The following NR6A1 variants were observed in gnomAD, a reference collection of about 807,000 sequenced individuals.
The protein encoded by NR6A1 is retinoic acid receptor-related testis-associated receptor.
In NR6A1, 7 loss-of-function variants were observed where a neutral mutation model predicts 59.1. That is an observed-to-expected ratio of 0.12 (90% CI 0.07 to 0.22). The LOEUF (loss-of-function observed/expected upper bound fraction) is 0.22, where lower values mean the gene tolerates loss of function less well. Ranked by LOEUF, NR6A1 falls within the 10% of genes least tolerant of loss-of-function variation. NR6A1 has a pLI of 1.00. For synonymous variants in NR6A1, 243 were observed against 236.1 expected (o/e 1.03, Z -0.27); for missense variants, 468 against 611.6 (o/e 0.77, Z 2.48).
chr9:124,638,514 A>G (rs1836682698), intron 2 of NR6A1, among the ~76,000 whole-genome samples: 1 of 152,192 alleles, frequency 6.6e-6, no homozygotes, highest in Non-Finnish European at 1.5e-5. Flanking sequence ...GAACAGAACA[A>G]GATTGTGGCT....
intron 2 of NR6A1, among the ~76,000 whole-genome samples, chr9:124,586,274 G>C (rs1386344214): frequency 2.0e-5 from 3 of 152,064 alleles, no homozygotes; most frequent in Non-Finnish European, 2.9e-5. Context: ...CCTCATAGGA[G>C]GTCAAAATAT....
intron 2 of NR6A1, among the ~76,000 whole-genome samples, chr9:124,728,590 G>A (rs1352118516): frequency 6.6e-6 from 1 of 151,810 alleles, no homozygotes; most frequent in Non-Finnish European, 1.5e-5. Flanking sequence ...AGCCGAGATG[G>A]CACCACTGCA....
At chr9:124,663,197 G>A (rs910494573) in intron 2 of NR6A1, among the ~76,000 whole-genome samples, 1 of 152,140 alleles carries the variant, frequency 6.6e-6, no homozygotes, top group Non-Finnish European at 1.5e-5. Flanking sequence ...AAGACCGAGT[G>A]CAACAAATGG....
chr9:124,599,992 A>T (rs1835402028), intron 2 of NR6A1, among the ~76,000 whole-genome samples: 1 of 152,200 alleles, frequency 6.6e-6, no homozygotes, highest in Non-Finnish European at 1.5e-5. Context: ...CTTCAGTGTA[A>T]AACAAAAGAC....
chr9:124,697,425 G>A (rs1838800894), intron 2 of NR6A1, among the ~76,000 whole-genome samples: 1 of 152,040 alleles, frequency 6.6e-6, no homozygotes, highest in South Asian at 2.1e-4. Context: ...GCAAATAATA[G>A]GAGGGACCAA....
At chr9:124,733,240 A>G in intron 2 of NR6A1, 68 bp downstream of exon 2, 1 of 1,127,154 alleles carries the variant, frequency 8.9e-7, no homozygotes. Context: ...ACCTTAAGTT[A>G]TTCACTTAAA....
rs1832717519 is a variant in NR6A1, at chr9:124,517,665, G to C, written c.*5040C>G. 1 of 152,222 alleles carries C rather than the reference G, an allele frequency of 6.6e-6. No individual in the cohort carries two copies. Among genetic ancestry groups the C allele is most frequent in the Admixed American group, 6.5e-5 (1 of 15,278 alleles). The allele number at this position is 152,222 out of a possible 1,614,324, so 9.4% of individuals were successfully genotyped here. On this transcript the variant is annotated 3_prime_UTR_variant, in exon 10 of 10. Transcript: ENST00000487099. ...CTTAAAGGTGGTGTCTGTGGGAGTGGTGCTCCCTATGCCCTGGAGCACAGG... is the reference window on the plus strand; with the variant it reads ...CTTAAAGGTGGTGTCTGTGGGAGTGCTGCTCCCTATGCCCTGGAGCACAGG...
chr9:124,560,535 C>G (rs1195506427), intron 2 of NR6A1, among the ~76,000 whole-genome samples: 1 of 152,110 alleles, frequency 6.6e-6, no homozygotes, highest in East Asian at 1.9e-4. Context: ...CCATTAGCAT[C>G]CTGGAAATAG....
rs557668627 is a variant in NR6A1, at chr9:124,610,397, T to G, written c.143-55827A>C. On this transcript the variant is annotated intron_variant, in intron 2 of 9. Coordinates refer to ENST00000487099, the MANE Select transcript of NR6A1 (RefSeq NM_033334.4). ...CTTTAGTTTTGTTTATGTGATGAATTACGTTTATTGATTTGTGTAGGTTAA... is the reference window on the plus strand; with the variant it reads ...CTTTAGTTTTGTTTATGTGATGAATGACGTTTATTGATTTGTGTAGGTTAA... Among the ~76,000 whole-genome samples the G allele has an allele frequency of 2.6e-5, 4 of 152,316 alleles. No homozygotes were observed. The East Asian group carries it at 7.7e-4, about 29-fold the overall frequency.
rs1369341145 is a variant in NR6A1 at position 124,538,205 on chromosome 9, T to A, written c.711A>T (p.Pro237=). ...PHLFSYSGHS[P]LLPQQARSLD... ...GGCTGCGAGCTTGTTGGGGCAGAAG[T>A]GGTGAGTGGCCAGAATAGCTAAAAA... The change falls in exon 6 of 10, where the codon CCA becomes CCT. Residue 237 remains proline, a synonymous_variant. Transcript: ENST00000487099. The A allele has an allele frequency of 1.2e-6, 2 of 1,613,972 alleles. No homozygotes were observed. The highest frequency in any genetic ancestry group is 4.5e-5 in the East Asian group (2 of 44,894).
rs967494894 is a variant in NR6A1, at chr9:124,554,716, C to G, written c.143-146G>C. 3.1e-6 allele frequency: 3 copies of G among 956,434 alleles called. No homozygotes were observed. In the African/African-American group the frequency reaches 4.9e-5, roughly 16 times the overall value. The allele number at this position is 956,434 out of a possible 1,614,324, so 59.2% of individuals were successfully genotyped here. ...AGGGGGCCCATCTTCGGATCCTTGT[C>G]CCAAGAGTAGTCCCTGTATCTGTGG... On this transcript the variant is annotated intron_variant, in intron 2 of 9. Transcript: ENST00000487099.
intron 2 of NR6A1, among the ~76,000 whole-genome samples, chr9:124,600,315 T>C (rs1835409992): frequency 6.6e-6 from 1 of 152,120 alleles, no homozygotes; most frequent in Non-Finnish European, 1.5e-5. Context: ...CACAGTCAAA[T>C]GAAGTCCATA....
intron 1 of NR6A1, among the ~76,000 whole-genome samples, chr9:124,734,586 G>A (rs539318478): frequency 8.5e-4 from 130 of 152,240 alleles, no homozygotes; most frequent in Admixed American, 2.5e-3. Flanking sequence ...CCAGCTAATC[G>A]GGAGGCTGAG....
intron 2 of NR6A1, among the ~76,000 whole-genome samples, chr9:124,593,796 T>G (rs1835196869): frequency 6.6e-6 from 1 of 151,016 alleles, no homozygotes; most frequent in African/African-American, 2.4e-5. Context: ...CTCTTACGGC[T>G]CTCTCTCTCT....
rs1588852116 is a variant in NR6A1 at position 124,749,148 on chromosome 9, G to A, written c.101-15799C>T. Among the ~76,000 whole-genome samples the A allele has an allele frequency of 1.3e-5, 2 of 151,898 alleles. 1 individual carries two copies. The highest frequency in any genetic ancestry group is 4.2e-4 in the South Asian group (2 of 4,816). The stretch of plus-strand genomic sequence containing the variant: ...GTAGTGGCGCATGTCTGTAATCCCA[G>A]CTACTAAGGAGGCCGAGGCAGGAGA... On this transcript the variant is annotated intron_variant, in intron 1 of 9. Transcript: ENST00000487099.
At chr9:124,770,319 G>C (rs1299888002) in intron 1 of NR6A1, 1 of 152,916 alleles carries the variant, frequency 6.5e-6, no homozygotes, top group Non-Finnish European at 1.5e-5. Flanking sequence ...GAGGCGCAGG[G>C]GAAGCAGGAG....
At chr9:124,641,800 T>C (rs1456577749) in intron 2 of NR6A1, among the ~76,000 whole-genome samples, 1 of 152,230 alleles carries the variant, frequency 6.6e-6, no homozygotes, top group Non-Finnish European at 1.5e-5. Flanking sequence ...AGCTACGCTC[T>C]ATATGCAGTA....
chr9:124,707,904 G>A (rs1024930412), intron 2 of NR6A1, among the ~76,000 whole-genome samples: 36 of 152,304 alleles, frequency 2.4e-4, no homozygotes, highest in African/African-American at 7.7e-4. Flanking sequence ...GTCAGGATAA[G>A]GGGAGCACAC....
intron 2 of NR6A1, among the ~76,000 whole-genome samples, chr9:124,582,375 C>T (rs749999342): frequency 1.3e-5 from 2 of 152,002 alleles, no homozygotes; most frequent in African/African-American, 4.8e-5. Flanking sequence ...TGAGAACACA[C>T]GGACACATAG....
Sources: gnomAD v4.1 joint callset for allele counts (sites outside exome capture counted in the v4.1 genomes callset) on GRCh38, gnomAD v4.1.1 for gene constraint, MANE v1.5 for transcripts, NCBI Gene and HGNC (gene_info 2026-07-23, HGNC 2026-07-21) for gene names.